Variants in ANKS1B observed in about 807,000 individuals in gnomAD.
The protein encoded by ANKS1B is ankyrin repeat and sterile alpha motif domain-containing protein 1B.
In ANKS1B, 36 loss-of-function variants were observed where a neutral mutation model predicts 148.3. That is an observed-to-expected ratio of 0.24 (90% CI 0.19 to 0.32). The LOEUF is 0.32. Among genes scored for constraint, ANKS1B ranks in the 10% least tolerant of loss-of-function variants. The pLI, the probability that ANKS1B is intolerant of heterozygous loss-of-function variation, is 1.00. For synonymous variants in ANKS1B, 542 were observed against 560.8 expected (o/e 0.97, Z 0.47); for missense variants, 1,157 against 1,542.6 (o/e 0.75, Z 4.19).
chr12:99,442,086 C>T (rs10777988), intron 11 of ANKS1B, among the ~76,000 whole-genome samples: 63,236 of 151,488 alleles, frequency 0.42, 14,989 homozygotes, highest in African/African-American at 0.64. Flanking sequence ...ACCCCAGAAA[C>T]ACCTTCATAT....
At chr12:99,078,100 T>C (rs1195354495) in intron 16 of ANKS1B, among the ~76,000 whole-genome samples, 2 of 152,180 alleles carry the variant, frequency 1.3e-5, no homozygotes, top group Admixed American at 1.3e-4. Context: ...TCTTTAAAAG[T>C]GTTTGAGTTT....
intron 9 of ANKS1B, among the ~76,000 whole-genome samples, chr12:99,582,812 TTTCATTGTATGTAAATGACA>T (rs2097583753): frequency 6.6e-6 from 1 of 152,104 alleles, no homozygotes; most frequent in African/African-American, 2.4e-5. Context: ...AATTCATGAA[TTTCATTGTATGTAAATGACA>T]TGTCAATAAA....
rs186752224 is a variant in ANKS1B, at chr12:98,786,159, G to A, written c.3343-4022C>T. Among the ~76,000 whole-genome samples, 6 of 152,250 alleles carry A rather than the reference G, an allele frequency of 3.9e-5. No homozygotes were observed. The East Asian group carries it at 1.2e-3, about 29-fold the overall frequency. On this transcript the variant is annotated intron_variant, in intron 22 of 26. Coordinates refer to ENST00000683438, the MANE Select transcript of ANKS1B (RefSeq NM_001352186.2). ...AAAAGCATTATAGTGATATTCAAAT[G>A]TATTTTGTTCACAATTTCCCAAATT...
At chr12:99,890,429 T>C (rs971338406) in intron 1 of ANKS1B, among the ~76,000 whole-genome samples, 10 of 152,182 alleles carry the variant, frequency 6.6e-5, no homozygotes, top group Non-Finnish European at 1.2e-4. Flanking sequence ...GCATGTGCTG[T>C]AGATTTCAGA....
In ANKS1B at chr12:98,871,527, A is replaced by G. The variant is rs1452307930; in HGVS notation, c.2779-39391T>C. Among the ~76,000 whole-genome samples, 3 of 152,224 alleles carry G rather than the reference A, an allele frequency of 2.0e-5. No homozygotes were observed. In the East Asian group the frequency reaches 5.8e-4, roughly 29 times the overall value. On this transcript the variant is annotated intron_variant, in intron 17 of 26. Transcript: ENST00000683438. ...GTGGTTCAGCTGAAAATTAGAACCA[A>G]CATCTTCTGATGATTACACAACTTT... is the stretch of plus-strand genomic sequence containing the variant.
At position 98,870,552 on chromosome 12, in the gene ANKS1B, G is replaced by C. The variant is rs534407753; in HGVS notation, c.2779-38416C>G. 3.3e-5 allele frequency among the ~76,000 whole-genome samples: 5 copies of C among 152,338 alleles called. No homozygotes were observed. In the East Asian group the frequency reaches 7.7e-4, roughly 24 times the overall value. ...TGGGAGAAGATATTAGGGCAGCAGG[G>C]AGTCCAGCTGGGAGATGATGAGGAA... is the stretch of plus-strand genomic sequence containing the variant. On this transcript the variant is annotated intron_variant, in intron 17 of 26. Transcript: ENST00000683438.
intron 1 of ANKS1B, among the ~76,000 whole-genome samples, chr12:99,951,562 C>A (rs747165698): frequency 1.8e-4 from 27 of 152,098 alleles, no homozygotes; most frequent in African/African-American, 6.3e-4. Context: ...CTGGGGTAGG[C>A]TGGCTGTTAG....
At chr12:99,284,305 G>C (rs1262112459) in intron 12 of ANKS1B, among the ~76,000 whole-genome samples, 2 of 152,210 alleles carry the variant, frequency 1.3e-5, no homozygotes, top group African/African-American at 4.8e-5. Context: ...AGTGCAGAGA[G>C]AAGGAAGAGT....
chr12:99,120,695 C>A (rs2062563095), intron 15 of ANKS1B, among the ~76,000 whole-genome samples: 1 of 152,122 alleles, frequency 6.6e-6, no homozygotes, highest in African/African-American at 2.4e-5. Context: ...AGATTTCTGG[C>A]TTAAATGACT....
At chr12:99,106,825 A>T (rs896548210) in intron 15 of ANKS1B, among the ~76,000 whole-genome samples, 1 of 152,248 alleles carries the variant, frequency 6.6e-6, no homozygotes, top group African/African-American at 2.4e-5. Context: ...TTACGAATTG[A>T]TAACACTAGT....
intron 14 of ANKS1B, among the ~76,000 whole-genome samples, chr12:99,157,657 A>G (rs1323537657): frequency 2.6e-5 from 4 of 151,964 alleles, no homozygotes; most frequent in Admixed American, 1.3e-4. Flanking sequence ...AGACTCAGAA[A>G]GGGGGAGGGT....
At chr12:99,891,060 T>A (rs2093076708) in intron 1 of ANKS1B, among the ~76,000 whole-genome samples, 2 of 152,240 alleles carry the variant, frequency 1.3e-5, no homozygotes, top group Admixed American at 6.5e-5. Flanking sequence ...TGCATCTGAC[T>A]CCTTTAAAGA....
At chr12:98,857,853 T>C (rs2099579902) in intron 17 of ANKS1B, among the ~76,000 whole-genome samples, 1 of 152,168 alleles carries the variant, frequency 6.6e-6, no homozygotes, top group African/African-American at 2.4e-5. Flanking sequence ...AAATGAATGG[T>C]TCCTAAAATA....
intron 1 of ANKS1B, among the ~76,000 whole-genome samples, chr12:99,903,864 C>A (rs7132927): frequency 0.49 from 74,688 of 151,706 alleles, 19,214 homozygotes; most frequent in Non-Finnish European, 0.57. Context: ...CCTAATACCA[C>A]CTGTACCACA....
chr12:99,338,635 T>C (rs1041741819), intron 12 of ANKS1B, among the ~76,000 whole-genome samples: 8 of 152,160 alleles, frequency 5.3e-5, no homozygotes, highest in Non-Finnish European at 8.8e-5. Context: ...TGCTGGGCCA[T>C]GCCAGAAGCC....
At chr12:99,375,666 T>C (rs962511586) in intron 12 of ANKS1B, among the ~76,000 whole-genome samples, 3 of 149,912 alleles carry the variant, frequency 2.0e-5, no homozygotes, top group African/African-American at 5.0e-5. Context: ...ACTAAAACTC[T>C]AAGACATGTT....
At chr12:99,149,572 AG>A (rs2153815478) in intron 15 of ANKS1B, among the ~76,000 whole-genome samples, 1 of 152,302 alleles carries the variant, frequency 6.6e-6, no homozygotes, top group African/African-American at 2.4e-5. Context: ...GAAATGCAGG[AG>A]GTGCTTTAAA....
intron 26 of ANKS1B, 65 bp from the exon 27 acceptor site, chr12:98,745,914 C>T (rs1276379957): frequency 1.3e-6 from 2 of 1,539,798 alleles, no homozygotes; most frequent in East Asian, 2.4e-5. Context: ...TGCACGCGGA[C>T]GCCGCTGGCG....
chr12:99,507,980 T>G (rs983289306), intron 9 of ANKS1B, among the ~76,000 whole-genome samples: 1 of 151,946 alleles, frequency 6.6e-6, no homozygotes, highest in East Asian at 1.9e-4. Context: ...CTGAGCTTTG[T>G]GTTTTTAATT....
Sources: allele counts gnomAD v4.1 joint callset (sites outside exome capture counted in the v4.1 genomes callset), GRCh38; gene constraint gnomAD v4.1.1; transcripts MANE v1.5; gene names NCBI Gene and HGNC (gene_info 2026-07-23, HGNC 2026-07-21).